Variants in CABCOCO1 observed in about 807,000 individuals in gnomAD.
CABCOCO1 encodes the protein ciliary-associated calcium-binding coiled-coil protein 1.
CABCOCO1 carries 28 observed loss-of-function variants against 35.7 expected under a neutral mutation model. That is an observed-to-expected ratio of 0.78 (90% CI 0.58 to 1.07). CABCOCO1 has a LOEUF of 1.07. Ranked by LOEUF, CABCOCO1 falls within the 50% of genes least tolerant of loss-of-function variation. The pLI, the probability that CABCOCO1 is intolerant of heterozygous loss-of-function variation, is 0.00. For synonymous variants in CABCOCO1, 95 were observed against 100.1 expected, an observed-to-expected ratio of 0.95 and a Z score of 0.30; for missense variants, 326 against 309.2, an observed-to-expected ratio of 1.05 and a Z score of -0.41.
In CABCOCO1 at chr10:61,672,648, A is replaced by G; in HGVS notation, c.77A>G (p.Gln26Arg). 1.1e-6 allele frequency: 1 copy of G among 929,780 alleles called. No homozygotes were observed. The highest frequency in any genetic ancestry group is 1.3e-6 in the Non-Finnish European group (1 of 779,186). The allele number at this position is 929,780 out of a possible 1,614,324, so 57.6% of individuals were successfully genotyped here. A position where few individuals can be genotyped will look rare whatever the true frequency, so the allele number is the denominator to read the frequency against. Residue 26 changes from glutamine (Q) to arginine (R), a missense_variant, in exon 2 of 8, where the codon CAG becomes CGG. By Grantham distance (43) the Gln-to-Arg change is conservative. Transcript: ENST00000648843. ...TPESERDTEF[Q>R]EHEKILSPDF... ...TTTTGGTAGAGAGACACTGAATTCC[A>G]GGAGCATGAAAAGATTCTGTCTCCG...
At chr10:61,707,280 C>T (rs115609317) in intron 5 of CABCOCO1, among the ~76,000 whole-genome samples, 34 of 152,172 alleles carry the variant, frequency 2.2e-4, no homozygotes, top group African/African-American at 7.9e-4. Flanking sequence ...ACTCAGGATA[C>T]GGGACTTGAG....
intron 2 of CABCOCO1, among the ~76,000 whole-genome samples, chr10:61,679,276 T>A (rs528201442): frequency 6.6e-6 from 1 of 151,232 alleles, no homozygotes; most frequent in East Asian, 1.9e-4. Context: ...GAGCTTAGAA[T>A]GAGCTTATAT....
chr10:61,670,134 A>G (rs1839312969), intron 1 of CABCOCO1, among the ~76,000 whole-genome samples: 2 of 152,150 alleles, frequency 1.3e-5, no homozygotes, highest in South Asian at 4.1e-4. Flanking sequence ...CTAAAAAGAA[A>G]TAAAAGATTG....
In CABCOCO1 at chr10:61,709,411, A is replaced by T. The variant is rs551477914; in HGVS notation, c.552+18790A>T. ...AAATAAGGCCAGACATTTGGAACTA[A>T]GTCAGTTTAAGAGAGTCACCTTTCA... On this transcript the variant is annotated intron_variant, in intron 5 of 7. Transcript: ENST00000648843. Among the ~76,000 whole-genome samples the T allele has an allele frequency of 2.6e-5, 4 of 152,176 alleles. No homozygotes were observed. In the East Asian group the frequency reaches 7.7e-4, roughly 29 times the overall value.
At chr10:61,668,286 T>G (rs1347592708) in intron 1 of CABCOCO1, among the ~76,000 whole-genome samples, 1 of 152,014 alleles carries the variant, frequency 6.6e-6, no homozygotes, top group Non-Finnish European at 1.5e-5. Context: ...ACATCTGCAT[T>G]GATTTGTGAT....
chr10:61,679,610 G>A (rs12776615), intron 2 of CABCOCO1, among the ~76,000 whole-genome samples: 4 of 152,050 alleles, frequency 2.6e-5, no homozygotes, highest in Admixed American at 2.0e-4. Flanking sequence ...ACTTGGCCAG[G>A]TCTCCACCTC....
chr10:61,764,988 A>T (rs1028822844), intron 7 of CABCOCO1, among the ~76,000 whole-genome samples: 1 of 152,178 alleles, frequency 6.6e-6, no homozygotes, highest in East Asian at 1.9e-4. Flanking sequence ...TGATTTTTTT[A>T]AATGTCTTCT....
At chr10:61,672,758 C>T in intron 2 of CABCOCO1, 23 bp downstream of exon 2, 3 of 982,726 alleles carry the variant, frequency 3.1e-6, no homozygotes, top group Non-Finnish European at 3.6e-6. Flanking sequence ...CTATTACAAT[C>T]ACATGTAGAA....
chr10:61,751,821 A>T (rs559301962), intron 5 of CABCOCO1, among the ~76,000 whole-genome samples: 94 of 152,310 alleles, frequency 6.2e-4, no homozygotes, highest in Non-Finnish European at 1.6e-4. Flanking sequence ...CCTACTCTCA[A>T]CTGAGCAGCA....
At chr10:61,714,789 C>A (rs996685420) in intron 5 of CABCOCO1, among the ~76,000 whole-genome samples, 2 of 152,136 alleles carry the variant, frequency 1.3e-5, no homozygotes, top group African/African-American at 4.8e-5. Context: ...CATTCAGGAG[C>A]AAGTTGTTCA....
At chr10:61,703,900 T>C (rs759456523) in intron 5 of CABCOCO1, among the ~76,000 whole-genome samples, 51 of 151,950 alleles carry the variant, frequency 3.4e-4, no homozygotes, top group Non-Finnish European at 5.6e-4. Flanking sequence ...GTCTCCTAAG[T>C]TTTCTGTTGG....
intron 5 of CABCOCO1, among the ~76,000 whole-genome samples, chr10:61,713,968 C>T (rs919030693): frequency 1.9e-4 from 29 of 151,610 alleles, no homozygotes; most frequent in Non-Finnish European, 8.8e-5. Context: ...GTCTACAATT[C>T]TCTTTTTTTT....
chr10:61,757,152 G>A (rs903702206), intron 5 of CABCOCO1, among the ~76,000 whole-genome samples: 3 of 150,524 alleles, frequency 2.0e-5, no homozygotes, highest in African/African-American at 7.3e-5. Flanking sequence ...AGAAACTATT[G>A]CATCAGACGG....
intron 5 of CABCOCO1, among the ~76,000 whole-genome samples, chr10:61,746,511 A>G (rs1564554485): frequency 6.6e-6 from 1 of 152,186 alleles, no homozygotes; most frequent in Non-Finnish European, 1.5e-5. Flanking sequence ...TTATGAGTGT[A>G]CAGTGTCAAC....
chr10:61,749,247 G>A (rs1165492843), intron 5 of CABCOCO1, among the ~76,000 whole-genome samples: 2 of 152,140 alleles, frequency 1.3e-5, no homozygotes, highest in African/African-American at 4.8e-5. Flanking sequence ...AATAATCACA[G>A]GAGCTTTGGT....
intron 5 of CABCOCO1, among the ~76,000 whole-genome samples, chr10:61,691,345 T>C (rs1301917449): frequency 1.3e-5 from 2 of 152,162 alleles, no homozygotes; most frequent in Non-Finnish European, 2.9e-5. Flanking sequence ...CAATTAATAC[T>C]ACATAAACAA....
intron 4 of CABCOCO1, among the ~76,000 whole-genome samples, chr10:61,687,592 G>A (rs1368907699): frequency 1.3e-5 from 2 of 152,092 alleles, no homozygotes; most frequent in Non-Finnish European, 2.9e-5. Flanking sequence ...GGAGAAGGAT[G>A]ACAGCTCTTT....
At chr10:61,699,719 T>C (rs1840399856) in intron 5 of CABCOCO1, among the ~76,000 whole-genome samples, 1 of 152,158 alleles carries the variant, frequency 6.6e-6, no homozygotes. Flanking sequence ...CTTTTACTTG[T>C]TATTTCCCCA....
At chr10:61,722,157 ATATC>A (rs1429505422) in intron 5 of CABCOCO1, among the ~76,000 whole-genome samples, 1 of 152,106 alleles carries the variant, frequency 6.6e-6, no homozygotes, top group Admixed American at 6.5e-5. Flanking sequence ...CACACAAACT[ATATC>A]TATATTTCCT....
Sources: gnomAD v4.1 joint callset for allele counts (sites outside exome capture counted in the v4.1 genomes callset) on GRCh38, gnomAD v4.1.1 for gene constraint, MANE v1.5 for transcripts, NCBI Gene and HGNC (gene_info 2026-07-23, HGNC 2026-07-21) for gene names.